Variants in HIVEP2 observed in about 807,000 individuals in gnomAD.
HIVEP2 encodes the protein transcription factor HIVEP2.
In HIVEP2, 14 loss-of-function variants were observed where a neutral mutation model predicts 180.7. The ratio of observed to expected loss-of-function variants is 0.08; its 90% CI spans 0.05 to 0.12. HIVEP2 has a LOEUF of 0.12. Among genes scored for constraint, HIVEP2 ranks in the 10% least tolerant of loss-of-function variants. The probability of loss-of-function intolerance (pLI) is 1.00; values close to 1 mark genes in which losing one functional copy is unlikely to be tolerated. For synonymous variants in HIVEP2, 1,184 were observed against 1,136.4 expected, an observed-to-expected ratio of 1.04 and a Z score of -0.84; for missense variants, 2,579 against 3,008.5, an observed-to-expected ratio of 0.86 and a Z score of 3.34.
At chr6:142,808,158 A>G (rs1475427991) in intron 2 of HIVEP2, among the ~76,000 whole-genome samples, 1 of 152,230 alleles carries the variant, frequency 6.6e-6, no homozygotes, top group South Asian at 2.1e-4. Flanking sequence ...AGGCATCTTT[A>G]TGCCTTTGCT....
intron 1 of HIVEP2, among the ~76,000 whole-genome samples, chr6:142,911,467 GA>G (rs890079798): frequency 6.6e-6 from 1 of 152,206 alleles, no homozygotes; most frequent in African/African-American, 2.4e-5. Flanking sequence ...ATTGGTTTGG[GA>G]AAACCTCCCT....
In HIVEP2 at chr6:142,774,244, G is replaced by A. The variant is rs1775632392; in HGVS notation, c.495C>T (p.Tyr165=). ...CTGCCTGTTCAATACTTTTCTGGGA[G>A]TATTGGCTATAAGCAGGGTTCAGAC... ...ISSLNPAYSQ[Y]SQKSIEQAEE... Residue 165 remains tyrosine (Y), a synonymous_variant, in exon 5 of 10, where the codon TAC becomes TAT. Transcript: ENST00000367603. The surrounding 1 kb of genome is among the most constrained non-coding windows in gnomAD (Gnocchi z 5.1). 6.2e-7 allele frequency: 1 copy of A among 1,614,160 alleles called. No individual in the cohort carries two copies.
chr6:142,894,738 AG>A (rs1209385052), intron 1 of HIVEP2, among the ~76,000 whole-genome samples: 1 of 152,160 alleles, frequency 6.6e-6, no homozygotes, highest in Non-Finnish European at 1.5e-5. Flanking sequence ...TTTACAGATG[AG>A]GAAACTAAAT....
rs985214337 is a variant in HIVEP2 at position 142,837,041 on chromosome 6, G to A, written c.-634C>T. Reference sequence around the variant, plus strand: ...CTATGGTCTTTTAAAAAATTCAAAGGCTCCACCTAATGAGAAAAAAACAAA... The same window carrying A: ...CTATGGTCTTTTAAAAAATTCAAAGACTCCACCTAATGAGAAAAAAACAAA... On this transcript the variant is annotated 5_prime_UTR_variant, in exon 2 of 10. Coordinates refer to ENST00000367603, the MANE Select transcript of HIVEP2 (RefSeq NM_006734.4). 3.9e-5 allele frequency: 6 copies of A among 151,988 alleles called. No individual in the cohort carries two copies. Among genetic ancestry groups the A allele is most frequent in the Non-Finnish European group, 5.9e-5 (4 of 67,926 alleles). 9.4% of individuals were successfully genotyped at this position (151,988 alleles called of 1,614,324 possible).
chr6:142,868,089 T>A (rs926879753), intron 1 of HIVEP2, among the ~76,000 whole-genome samples: 2 of 152,126 alleles, frequency 1.3e-5, no homozygotes, highest in Non-Finnish European at 2.9e-5. Context: ...GTCAGCTGTG[T>A]CAGTAATTTC....
chr6:142,942,548 A>C (rs1778206396), intron 1 of HIVEP2, among the ~76,000 whole-genome samples: 1 of 152,220 alleles, frequency 6.6e-6, no homozygotes, highest in South Asian at 2.1e-4. Flanking sequence ...TTAATCTTTC[A>C]ATGTAATCAA....
At position 142,773,819 on chromosome 6, in the gene HIVEP2, C is replaced by T. The variant is rs763106379; in HGVS notation, c.920G>A (p.Ser307Asn). ...PGPPIPLDIA[S>N]RGGYHGSLEE... ...CAATGACCCATGATAGCCGCCTCTG[C>T]TGGCAATGTCCAGTGGGATGGGTGG... is the stretch of plus-strand genomic sequence containing the variant. Residue 307 changes from serine to asparagine, a missense_variant, in exon 5 of 10, where the codon AGC becomes AAC. By Grantham distance (46) the Ser-to-Asn change is conservative (BLOSUM62 1). This residue lies in a region of HIVEP2 where 142 missense variants were observed against 135.2 expected (regional missense o/e 1.05). Coordinates refer to ENST00000367603, the MANE Select transcript of HIVEP2 (RefSeq NM_006734.4). The T allele has an allele frequency of 6.2e-6, 10 of 1,613,770 alleles. No homozygotes were observed. Among genetic ancestry groups the T allele is most frequent in the Non-Finnish European group, 4.2e-6 (5 of 1,180,028 alleles).
chr6:142,894,033 G>A (rs1215787727), intron 1 of HIVEP2, among the ~76,000 whole-genome samples: 1 of 152,188 alleles, frequency 6.6e-6, no homozygotes, highest in Non-Finnish European at 1.5e-5. Flanking sequence ...CCTAACAACT[G>A]AGCAAGGTAG....
intron 2 of HIVEP2, among the ~76,000 whole-genome samples, chr6:142,831,438 C>T (rs1262997260): frequency 1.3e-5 from 2 of 152,172 alleles, no homozygotes; most frequent in Non-Finnish European, 2.9e-5. Flanking sequence ...TCCAACAGGG[C>T]CCAGCCCGAC....
At chr6:142,862,871 C>T (rs1776034652) in intron 1 of HIVEP2, among the ~76,000 whole-genome samples, 1 of 126,510 alleles carries the variant, frequency 7.9e-6, no homozygotes, top group South Asian at 2.4e-4. Flanking sequence ...ATATAAATAT[C>T]TATTATATGT....
Position 142,771,515 on chromosome 6 carries a change from C to T in HIVEP2, c.3224G>A (p.Arg1075Lys). Residue 1075 changes from arginine to lysine, a missense_variant, in exon 5 of 10, where the codon AGG becomes AAG. Physicochemically the swap from Arg to Lys is conservative, Grantham distance 26 (BLOSUM62 2). Transcript: ENST00000367603. The surrounding 1 kb of genome is among the most constrained non-coding windows in gnomAD (Gnocchi z 5.4). ...AASTVSPSRE[R>K]KKCFLVRQAS... ...TTGCCGCACCAGAAAGCATTTCTTC[C>T]TCTCCCTGGACGGTGATACCGTGGA... The T allele has an allele frequency of 1.2e-6, 2 of 1,613,804 alleles. No homozygotes were observed. Among genetic ancestry groups the T allele is most frequent in the Non-Finnish European group, 1.7e-6 (2 of 1,180,030 alleles).
rs902115151 is a variant in HIVEP2 at position 142,943,091 on chromosome 6, C to G, written c.-641+2008G>C. Among the ~76,000 whole-genome samples the G allele has an allele frequency of 6.6e-6, 1 of 152,188 alleles. No individual in the cohort carries two copies. Among genetic ancestry groups the G allele is most frequent in the Non-Finnish European group, 1.5e-5 (1 of 68,026 alleles). ...GCAAATGTACAGTTGTCATTTGGTA[C>G]TATGACTCCTTAGGGTTCCACAGGG... is the stretch of plus-strand genomic sequence containing the variant. On this transcript the variant is annotated intron_variant, in intron 1 of 9. Transcript: ENST00000367603. This position sits in a 1 kb window ranked among gnomAD's most constrained non-coding sequence, Gnocchi z 4.5.
intron 2 of HIVEP2, among the ~76,000 whole-genome samples, chr6:142,796,774 C>A (rs930308224): frequency 6.6e-6 from 1 of 152,112 alleles, no homozygotes. Context: ...GTGCAAGAAC[C>A]AGGAGAGATC....
At chr6:142,910,401 G>C (rs994311190) in intron 1 of HIVEP2, among the ~76,000 whole-genome samples, 1 of 152,204 alleles carries the variant, frequency 6.6e-6, no homozygotes, top group Non-Finnish European at 1.5e-5. Context: ...AAGAGATTGA[G>C]ACCATCCTGG....
chr6:142,773,543 C>T lies in HIVEP2; in HGVS notation c.1196G>A (p.Gly399Asp). The change falls in exon 5 of 10, where the codon GGT becomes GAT. Residue 399 changes from glycine to aspartate, a missense_variant. By Grantham distance (94) the Gly-to-Asp change is moderately conservative. Coordinates refer to ENST00000367603, the MANE Select transcript of HIVEP2 (RefSeq NM_006734.4). ...SPHSKGSTDS[G>D]YFSRSESAEQ... The stretch of plus-strand genomic sequence containing the variant: ...AGCACTTTCTGAGCGAGAAAAGTAA[C>T]CAGAATCAGTGCTTCCTTTACTGTG... The T allele has an allele frequency of 6.2e-7, 1 of 1,614,214 alleles. No homozygotes were observed.
intron 1 of HIVEP2, among the ~76,000 whole-genome samples, chr6:142,882,470 C>T (rs907588272): frequency 6.6e-5 from 10 of 151,826 alleles, no homozygotes; most frequent in South Asian, 2.1e-4. Flanking sequence ...AATAAATAGC[C>T]GGGAGTGGTA....
At chr6:142,864,572 T>C (rs932381428) in intron 1 of HIVEP2, among the ~76,000 whole-genome samples, 11 of 152,064 alleles carry the variant, frequency 7.2e-5, no homozygotes, top group African/African-American at 2.7e-4. Context: ...CAAAGAAAAC[T>C]GGAGTCTACA....
intron 1 of HIVEP2, among the ~76,000 whole-genome samples, chr6:142,858,552 A>T (rs1359391155): frequency 6.6e-6 from 1 of 151,138 alleles, no homozygotes; most frequent in African/African-American, 2.4e-5. Context: ...CTTTTATCAC[A>T]CCTCCTCTCA....
chr6:142,939,341 C>G (rs2128441091), intron 1 of HIVEP2, among the ~76,000 whole-genome samples: 1 of 151,650 alleles, frequency 6.6e-6, no homozygotes, highest in East Asian at 1.9e-4. Context: ...GATATTCATC[C>G]CATATACCCT....
Sources: allele counts gnomAD v4.1 joint callset (sites outside exome capture counted in the v4.1 genomes callset), GRCh38; gene constraint gnomAD v4.1.1; regional missense constraint gnomAD v4.1.1; non-coding constraint Gnocchi (gnomAD v3.1); transcripts MANE v1.5; gene names NCBI Gene and HGNC (gene_info 2026-07-23, HGNC 2026-07-21).